ATP6V1H: variants seen among roughly 807,000 people sequenced by gnomAD.
ATP6V1H encodes the protein V-type proton ATPase subunit H.
Under a neutral mutation model 71.7 loss-of-function variants are expected in ATP6V1H, and 39 were observed. The ratio of observed to expected loss-of-function variants is 0.54; its 90% CI spans 0.42 to 0.71. The LOEUF (loss-of-function observed/expected upper bound fraction) is 0.71, where lower values mean the gene tolerates loss of function less well. Ranked by LOEUF, ATP6V1H falls within the 30% of genes least tolerant of loss-of-function variation. The pLI, the probability that ATP6V1H is intolerant of heterozygous loss-of-function variation, is 0.00. For missense variants in ATP6V1H, 509 were observed against 594.9 expected (o/e 0.86, Z 1.50); for synonymous variants, 192 against 199.3 (o/e 0.96, Z 0.31).
At chr8:53,777,242 G>C (rs1364294345) in intron 9 of ATP6V1H, among the ~76,000 whole-genome samples, 1 of 152,114 alleles carries the variant, frequency 6.6e-6, no homozygotes. Flanking sequence ...AGGAAATGTA[G>C]ATACAAATAA....
chr8:53,833,177 G>GTGGTTT, intron 2 of ATP6V1H, 91 bp from the exon 3 acceptor site: 1 of 978,504 alleles, frequency 1.0e-6, no homozygotes, highest in Non-Finnish European at 1.6e-6. Flanking sequence ...TTCTCTCCTT[G>GTGGTTT]GCAGCAAACC....
chr8:53,808,800 C>CAA (rs59475877), intron 7 of ATP6V1H, among the ~76,000 whole-genome samples: 12 of 80,374 alleles, frequency 1.5e-4, no homozygotes, highest in Admixed American at 4.2e-4. Flanking sequence ...GACTCCATCT[C>CAA]AAAAAAAAAA....
At chr8:53,745,470 C>T (rs1807566555) in intron 12 of ATP6V1H, among the ~76,000 whole-genome samples, 1 of 152,132 alleles carries the variant, frequency 6.6e-6, no homozygotes, top group Non-Finnish European at 1.5e-5. Flanking sequence ...CTTTCACAGT[C>T]AGCTTTGGAG....
intron 7 of ATP6V1H, among the ~76,000 whole-genome samples, chr8:53,807,820 A>C (rs1810136382): frequency 6.6e-6 from 1 of 152,252 alleles, no homozygotes; most frequent in South Asian, 2.1e-4. Flanking sequence ...TATTTCAATA[A>C]GGCTCTTTTT....
intron 11 of ATP6V1H, among the ~76,000 whole-genome samples, chr8:53,760,472 T>C (rs1254390638): frequency 6.6e-6 from 1 of 152,204 alleles, no homozygotes; most frequent in African/African-American, 2.4e-5. Flanking sequence ...AACAGGGCAG[T>C]TGGATCTCCC....
At chr8:53,718,608 G>A (rs901708089) in intron 13 of ATP6V1H, among the ~76,000 whole-genome samples, 1 of 152,058 alleles carries the variant, frequency 6.6e-6, no homozygotes, top group East Asian at 1.9e-4. Context: ...CAGGCTGGAC[G>A]CTAACTCCTG....
chr8:53,773,731 C>G (rs950006082), intron 9 of ATP6V1H, among the ~76,000 whole-genome samples: 8 of 152,142 alleles, frequency 5.3e-5, no homozygotes, highest in African/African-American at 2.4e-5. Context: ...GAACCAGATA[C>G]TAGAACACAC....
chr8:53,783,466 A>G (rs989483878), intron 9 of ATP6V1H, among the ~76,000 whole-genome samples: 5 of 151,706 alleles, frequency 3.3e-5, no homozygotes, highest in African/African-American at 1.2e-4. Context: ...GTGCTCTATC[A>G]ATTTGTTGAT....
chr8:53,746,699 C>A (rs554396067), intron 12 of ATP6V1H, among the ~76,000 whole-genome samples: 19 of 152,256 alleles, frequency 1.2e-4, no homozygotes, highest in African/African-American at 4.3e-4. Flanking sequence ...ACAGACATTT[C>A]TCATCTTCTC....
intron 2 of ATP6V1H, among the ~76,000 whole-genome samples, chr8:53,840,280 G>A (rs112805359): frequency 6.6e-6 from 1 of 152,032 alleles, no homozygotes; most frequent in East Asian, 1.9e-4. Context: ...GGCAGATCAC[G>A]AGGTCAGGAG....
Position 53,760,082 on chromosome 8 carries a change from C to T in ATP6V1H, c.1176-3426G>A, listed in dbSNP as rs898931088. On this transcript the variant is annotated intron_variant, in intron 11 of 13. Coordinates refer to ENST00000359530, the MANE Select transcript of ATP6V1H (RefSeq NM_015941.4). ...ATCAAGTCAGGGGGTTGTTAAGCTGCCACTCTAAGATAATAATTGGTTGCA... is the reference window on the plus strand; with the variant it reads ...ATCAAGTCAGGGGGTTGTTAAGCTGTCACTCTAAGATAATAATTGGTTGCA... Among the ~76,000 whole-genome samples, 3 of 152,138 alleles carry T rather than the reference C, an allele frequency of 2.0e-5. No individual in the cohort carries two copies. The East Asian group carries it at 5.8e-4, about 29-fold the overall frequency.
intron 9 of ATP6V1H, among the ~76,000 whole-genome samples, chr8:53,774,488 A>C (rs1808793328): frequency 6.6e-6 from 1 of 152,224 alleles, no homozygotes; most frequent in African/African-American, 2.4e-5. Context: ...CTATCATGTT[A>C]CTATTTTATC....
intron 4 of ATP6V1H, among the ~76,000 whole-genome samples, chr8:53,818,838 G>C (rs771035166): frequency 2.0e-5 from 3 of 152,102 alleles, no homozygotes; most frequent in Non-Finnish European, 4.4e-5. Flanking sequence ...ATTATAAATA[G>C]CACAAGGAAT....
intron 9 of ATP6V1H, among the ~76,000 whole-genome samples, chr8:53,791,775 G>A (rs1253427267): frequency 1.3e-5 from 2 of 151,928 alleles, no homozygotes; most frequent in Admixed American, 6.6e-5. Flanking sequence ...TCCTCCCTTC[G>A]TCACTCATCA....
intron 10 of ATP6V1H, 99 bp from the exon 11 acceptor site, chr8:53,769,842 G>C: frequency 9.6e-7 from 1 of 1,047,054 alleles, no homozygotes; most frequent in Non-Finnish European, 1.4e-6. Context: ...TAATTACAAA[G>C]ACTGACCATC....
chr8:53,752,662 TGC>T (rs1422788172), intron 12 of ATP6V1H, among the ~76,000 whole-genome samples: 16 of 152,212 alleles, frequency 1.1e-4, no homozygotes, highest in Non-Finnish European at 2.4e-4. Flanking sequence ...GCGATTATCC[TGC>T]CTCAGCCTCC....
At chr8:53,781,584 C>T (rs1239432514) in intron 9 of ATP6V1H, among the ~76,000 whole-genome samples, 1 of 152,124 alleles carries the variant, frequency 6.6e-6, no homozygotes, top group Admixed American at 6.6e-5. Flanking sequence ...GTTGCCATTG[C>T]TTTTGGTGTT....
At chr8:53,815,495 TAG>T (rs1158363699) in intron 5 of ATP6V1H, among the ~76,000 whole-genome samples, 3 of 152,200 alleles carry the variant, frequency 2.0e-5, no homozygotes, top group Non-Finnish European at 4.4e-5. Flanking sequence ...CCTGTGCTGG[TAG>T]ACTCATGTTT....
In ATP6V1H at chr8:53,819,658, GTATATACA is replaced by G. The variant is rs1411043236; in HGVS notation, c.307-2136_307-2129del. 7.6e-4 allele frequency among the ~76,000 whole-genome samples: 74 copies of G among 97,524 alleles called. 3 individuals are homozygous for G. The highest frequency in any genetic ancestry group is 3.2e-3 in the African/African-American group (71 of 22,386). 64.0% of individuals were successfully genotyped at this position (97,524 alleles called of 152,430 possible). On this transcript the variant is annotated intron_variant, in intron 4 of 13. Transcript: ENST00000359530. ...TATACAAATGTATATATGTATATAC[GTATATACA>G]TATATACATATGTATATACAAATGT...
Sources: gnomAD v4.1 joint callset for allele counts (sites outside exome capture counted in the v4.1 genomes callset) on GRCh38, gnomAD v4.1.1 for gene constraint, MANE v1.5 for transcripts, NCBI Gene and HGNC (gene_info 2026-07-23, HGNC 2026-07-21) for gene names.